Variants in TTC39B observed in about 807,000 individuals in gnomAD.
TTC39B encodes the protein tetratricopeptide repeat protein 39B.
Under a neutral mutation model 96.6 loss-of-function variants are expected in TTC39B, and 92 were observed. The ratio of observed to expected loss-of-function variants is 0.95; its 90% CI spans 0.80 to 1.13. The LOEUF is 1.13. Ranked by LOEUF, TTC39B falls within the 50% of genes most tolerant of loss-of-function variation. The pLI, the probability that TTC39B is intolerant of heterozygous loss-of-function variation, is 0.00. For synonymous variants in TTC39B, 367 were observed against 299.4 expected (o/e 1.23, Z -2.33); for missense variants, 955 against 809.3 (o/e 1.18, Z -2.18).
intron 2 of TTC39B, among the ~76,000 whole-genome samples, chr9:15,252,769 T>C (rs892752474): frequency 1.3e-5 from 2 of 152,250 alleles, no homozygotes; most frequent in African/African-American, 2.4e-5. Context: ...TAATGTAAGA[T>C]ACTAATCGTA....
Position 15,235,048 on chromosome 9 carries a change from A to ATAAAT in TTC39B, c.276-9037_276-9036insATTTA, listed in dbSNP as rs749210643. The stretch of plus-strand genomic sequence containing the variant: ...CAATAAATAAATAAATAAATAAAAC[A>ATAAAT]AAAACAAAACAAAACAAAACAAAAA... On this transcript the variant is annotated intron_variant, in intron 2 of 19. Coordinates refer to ENST00000512701, the Ensembl canonical transcript of TTC39B. Among the ~76,000 whole-genome samples, 121 of 151,272 alleles carry ATAAAT rather than the reference A, an allele frequency of 8.0e-4. 1 individual carries two copies. Among genetic ancestry groups the ATAAAT allele is most frequent in the South Asian group, 2.3e-3 (11 of 4,798 alleles).
At chr9:15,250,182 A>C (rs1822469644) in intron 2 of TTC39B, 11 of 1,188,906 alleles carry the variant, frequency 9.3e-6, no homozygotes, top group Non-Finnish European at 1.2e-5. Flanking sequence ...TGTCAGTTAA[A>C]GTGGCAGCTA....
intron 1 of TTC39B, 34 bp downstream of exon 1, chr9:15,307,050 A>T: frequency 1.9e-6 from 3 of 1,603,176 alleles, no homozygotes; most frequent in Non-Finnish European, 2.6e-6. Context: ...CCAGGGCTTC[A>T]GGGGCCGGGC....
rs868284370 is a variant in TTC39B, at chr9:15,302,469, T to G, written c.240+4615A>C. Reference sequence around the variant, plus strand: ...GTCTCTACTAAAAATACAAAAAAATTAGCCGGGTGTGGTGGCACATGCATC... The same window carrying G: ...GTCTCTACTAAAAATACAAAAAAATGAGCCGGGTGTGGTGGCACATGCATC... On this transcript the variant is annotated intron_variant, in intron 1 of 19. Transcript: ENST00000512701. Among the ~76,000 whole-genome samples, 4 of 132,074 alleles carry G rather than the reference T, an allele frequency of 3.0e-5. No homozygotes were observed. The South Asian group carries it at 9.9e-4, about 33-fold the overall frequency. 86.6% of individuals were successfully genotyped at this position (132,074 alleles called of 152,430 possible).
intron 8 of TTC39B, among the ~76,000 whole-genome samples, chr9:15,198,218 G>A (rs1008362494): frequency 2.0e-5 from 3 of 152,070 alleles, no homozygotes; most frequent in African/African-American, 7.2e-5. Flanking sequence ...CAGCGCTTTG[G>A]GAGGCCAAGA....
intron 1 of TTC39B, among the ~76,000 whole-genome samples, chr9:15,293,868 A>T (rs917197861): frequency 6.6e-6 from 1 of 152,162 alleles, no homozygotes; most frequent in Non-Finnish European, 1.5e-5. Context: ...ACCGTGTTCA[A>T]ATAAAGCAAA....
intron 1 of TTC39B, among the ~76,000 whole-genome samples, chr9:15,297,092 T>C (rs1175397232): frequency 6.6e-6 from 1 of 152,196 alleles, no homozygotes; most frequent in Admixed American, 6.5e-5. Context: ...ACAGCAGCTC[T>C]CCTGCATTAA....
chr9:15,189,554 A>C lies in TTC39B; in HGVS notation c.1233+20T>G. ...GCCATACAGACAACTCCCCCAAATAATTCCCACCTAATAAATTACCTCTTC... is the reference window on the plus strand; with the variant it reads ...GCCATACAGACAACTCCCCCAAATACTTCCCACCTAATAAATTACCTCTTC... On this transcript the variant is annotated intron_variant, in intron 13 of 19. Coordinates refer to ENST00000512701, the Ensembl canonical transcript of TTC39B. 1 of 1,612,602 alleles carries C rather than the reference A, an allele frequency of 6.2e-7. No homozygotes were observed. Among genetic ancestry groups the C allele is most frequent in the Non-Finnish European group, 8.5e-7 (1 of 1,179,902 alleles).
At position 15,225,900 on chromosome 9, in the gene TTC39B, C is replaced by T. The variant is rs1821096174; in HGVS notation, c.371+17G>A. ...TCCTCCCCTCTTCCCCCAGGAATGC[C>T]CACAACCCTTCCTGACCTGCTGACA... is the stretch of plus-strand genomic sequence containing the variant. On this transcript the variant is annotated intron_variant, in intron 3 of 19. Coordinates refer to ENST00000512701, the Ensembl canonical transcript of TTC39B. The T allele has an allele frequency of 6.2e-7, 1 of 1,610,116 alleles. No homozygotes were observed. The highest frequency in any genetic ancestry group is 1.3e-5 in the African/African-American group (1 of 74,836).
intron 1 of TTC39B, among the ~76,000 whole-genome samples, chr9:15,283,412 T>G (rs1203968141): frequency 6.6e-6 from 1 of 152,246 alleles, no homozygotes. Context: ...TTATGCATTG[T>G]CTCATGTAAA....
At chr9:15,218,632 T>TAAAAAAAAAAAAAATATATATATATA (rs545882970) in intron 3 of TTC39B, among the ~76,000 whole-genome samples, 1 of 105,110 alleles carries the variant, frequency 9.5e-6, no homozygotes, top group African/African-American at 3.6e-5. Flanking sequence ...TTAGTCTATT[T>TAAAAAAAAAAAAAATATATATATATA]TAAATATATA....
chr9:15,285,744 A>G (rs930878691), intron 1 of TTC39B, among the ~76,000 whole-genome samples: 1 of 151,662 alleles, frequency 6.6e-6, no homozygotes, highest in South Asian at 2.1e-4. Context: ...AGTCCCAGCT[A>G]CTCAGGAGGC....
At chr9:15,198,465 T>C (rs373740430) in intron 8 of TTC39B, among the ~76,000 whole-genome samples, 3 of 83,336 alleles carry the variant, frequency 3.6e-5, no homozygotes, top group Non-Finnish European at 5.1e-5. Context: ...CGCAAAAATA[T>C]ATATATATAT....
At chr9:15,282,189 T>C (rs1054481453) in intron 1 of TTC39B, among the ~76,000 whole-genome samples, 10 of 152,228 alleles carry the variant, frequency 6.6e-5, no homozygotes, top group African/African-American at 9.6e-5. Context: ...TCGCAAAAAA[T>C]AGAGACTGCC....
chr9:15,281,060 C>G (rs1326249860), intron 1 of TTC39B, among the ~76,000 whole-genome samples: 2 of 151,362 alleles, frequency 1.3e-5, no homozygotes, highest in Non-Finnish European at 2.9e-5. Flanking sequence ...AGTCCCTATT[C>G]TGGAAGAGGT....
At chr9:15,250,917 G>C (rs1277455112) in intron 2 of TTC39B, among the ~76,000 whole-genome samples, 2 of 152,156 alleles carry the variant, frequency 1.3e-5, no homozygotes, top group African/African-American at 4.8e-5. Context: ...TAATACCAGG[G>C]CTAGGCGCAG....
At chr9:15,246,461 G>C (rs1453380697) in intron 2 of TTC39B, among the ~76,000 whole-genome samples, 1 of 152,132 alleles carries the variant, frequency 6.6e-6, no homozygotes, top group Non-Finnish European at 1.5e-5. Context: ...CCAAAAATTT[G>C]GCAAGTGTGG....
At chr9:15,246,778 G>A (rs1030802276) in intron 2 of TTC39B, among the ~76,000 whole-genome samples, 1 of 152,374 alleles carries the variant, frequency 6.6e-6, no homozygotes, top group Admixed American at 6.5e-5. Flanking sequence ...CCAGGTAAGT[G>A]AGCCATCATA....
chr9:15,209,409 G>A (rs1820059966), intron 6 of TTC39B, among the ~76,000 whole-genome samples: 1 of 152,148 alleles, frequency 6.6e-6, no homozygotes, highest in South Asian at 2.1e-4. Context: ...TCCATACTGT[G>A]AAACATTATC....
Sources: allele counts gnomAD v4.1 joint callset (sites outside exome capture counted in the v4.1 genomes callset), GRCh38; gene constraint gnomAD v4.1.1; transcripts MANE v1.5; gene names NCBI Gene and HGNC (gene_info 2026-07-23, HGNC 2026-07-21).